Variants in B4GALNT3 observed in about 807,000 individuals in gnomAD.
The protein encoded by B4GALNT3 is beta-1,4-N-acetyl-galactosaminyltransferase 3.
Under a neutral mutation model 120.2 loss-of-function variants are expected in B4GALNT3, and 86 were observed. The observed-to-expected ratio is 0.72, with a 90% CI of 0.60 to 0.86. The LOEUF (loss-of-function observed/expected upper bound fraction) is 0.86. Among genes scored for constraint, B4GALNT3 ranks in the 40% least tolerant of loss-of-function variants. The pLI is 0.00. For missense variants in B4GALNT3, 1,167 were observed against 1,298.9 expected, an observed-to-expected ratio of 0.90 and a Z score of 1.56; for synonymous variants, 518 against 510.4, an observed-to-expected ratio of 1.01 and a Z score of -0.20.
intron 14 of B4GALNT3, chr12:555,345 G>A (rs1475346165): frequency 1.1e-5 from 5 of 456,818 alleles, no homozygotes; most frequent in Admixed American, 4.7e-5. Flanking sequence ...TGTAATGTGT[G>A]GCCTTTATAT....
rs748102597 is a variant in B4GALNT3 at position 553,796 on chromosome 12, G to A, written c.1873G>A (p.Val625Ile). 5.6e-5 allele frequency: 90 copies of A among 1,614,138 alleles called. No homozygotes were observed. The highest frequency in any genetic ancestry group is 3.3e-4 in the Middle Eastern group (2 of 6,084). The stretch of plus-strand genomic sequence containing the variant: ...GGATATGAGTGAGGTGTTCGAGTAC[G>A]TACCTGTGTTTGACCCGGTAGTAAA... Reference protein sequence around the residue: ...EEDMSEVFEYVPVFDPVVNWD... With the variant: ...EEDMSEVFEYIPVFDPVVNWD... The change falls in exon 14 of 20, where the codon GTA becomes ATA. Residue 625 changes from valine to isoleucine, a missense_variant. Val to Ile is a conservative substitution (Grantham distance 29, BLOSUM62 3). Around this residue, in one of 3 missense-constraint regions of B4GALNT3, gnomAD observed 983 missense variants for 1,102.5 expected, o/e 0.89. Transcript: ENST00000266383.
intron 1 of B4GALNT3, among the ~76,000 whole-genome samples, chr12:469,866 G>A (rs1946118440): frequency 6.6e-6 from 1 of 152,082 alleles, no homozygotes; most frequent in Admixed American, 6.5e-5. Flanking sequence ...TGCTCAGGCT[G>A]GTCCTGAACT....
chr12:526,843 G>A (rs763753181), intron 1 of B4GALNT3, among the ~76,000 whole-genome samples: 9 of 152,162 alleles, frequency 5.9e-5, no homozygotes, highest in African/African-American at 1.4e-4. Flanking sequence ...CCAGAGCAGC[G>A]ACAGCAGAAT....
chr12:476,870 A>G (rs1946190738), intron 1 of B4GALNT3, among the ~76,000 whole-genome samples: 1 of 152,208 alleles, frequency 6.6e-6, no homozygotes, highest in Non-Finnish European at 1.5e-5. Flanking sequence ...TAAATTCTGA[A>G]ATGGATTATA....
intron 1 of B4GALNT3, among the ~76,000 whole-genome samples, chr12:509,623 G>T (rs11836102): frequency 6.6e-6 from 1 of 152,134 alleles, no homozygotes; most frequent in East Asian, 1.9e-4. Context: ...GCCTGGGTAG[G>T]GGGGTGGCAA....
At chr12:505,047 C>T (rs576190403) in intron 1 of B4GALNT3, among the ~76,000 whole-genome samples, 11 of 152,160 alleles carry the variant, frequency 7.2e-5, no homozygotes, top group African/African-American at 1.7e-4. Context: ...CACACCACCA[C>T]GCCTGGCTAA....
In B4GALNT3 at chr12:460,270, A is replaced by T; in HGVS notation, c.-107A>T. 1.2e-6 allele frequency: 1 copy of T among 845,126 alleles called. No homozygotes were observed. Among genetic ancestry groups the T allele is most frequent in the Non-Finnish European group, 1.4e-6 (1 of 704,664 alleles). 52.4% of individuals were successfully genotyped at this position (845,126 alleles called of 1,614,324 possible). A position where few individuals can be genotyped will look rare whatever the true frequency, so the allele number is the denominator to read the frequency against. On this transcript the variant is annotated 5_prime_UTR_variant, in exon 1 of 20. The change abolishes the stop of an existing upstream ORF in the 5' untranslated region. Transcript: ENST00000266383. This position sits in a 1 kb window ranked among gnomAD's most constrained non-coding sequence, Gnocchi z 8.0. ...GAGAGACGGCCTCGGCGCAGCCCTGAGACGCTGGGCCGGGACGCGGGGCGC... is the reference window on the plus strand; with the variant it reads ...GAGAGACGGCCTCGGCGCAGCCCTGTGACGCTGGGCCGGGACGCGGGGCGC...
chr12:480,160 C>T (rs1946224109), intron 1 of B4GALNT3, among the ~76,000 whole-genome samples: 1 of 150,936 alleles, frequency 6.6e-6, no homozygotes, highest in Admixed American at 6.6e-5. Flanking sequence ...CGTGATCCGC[C>T]CGCCTCGGCC....
intron 1 of B4GALNT3, among the ~76,000 whole-genome samples, chr12:471,342 G>A (rs1946133244): frequency 6.6e-6 from 1 of 150,606 alleles, no homozygotes. Flanking sequence ...CTGATTTTGT[G>A]CCACTGCACT....
chr12:552,137 C>T lies in B4GALNT3; in HGVS notation c.1182C>T (p.Tyr394=), dbSNP rs377427516. The T allele has an allele frequency of 4.3e-6, 7 of 1,612,418 alleles. No homozygotes were observed. The African/African-American group carries it at 8.0e-5, about 18-fold the overall frequency. ...TGGAGACCCACAATAAATGTTTCTACCAGGAAAACGCCTACTACCAAGACC... is the reference window on the plus strand; with the variant it reads ...TGGAGACCCACAATAAATGTTTCTATCAGGAAAACGCCTACTACCAAGACC... ...SHMETHNKCF[Y]QENAYYQDRF... The change falls in exon 12 of 20, where the codon TAC becomes TAT. Residue 394 remains tyrosine, a synonymous_variant. Transcript: ENST00000266383.
chr12:539,206 C>T (rs1388948733), intron 3 of B4GALNT3, among the ~76,000 whole-genome samples: 5 of 152,194 alleles, frequency 3.3e-5, no homozygotes, highest in Admixed American at 2.0e-4. Context: ...GATTGGATGG[C>T]TAGGGGCCTG....
At chr12:558,710 G>T in intron 18 of B4GALNT3, 49 bp downstream of exon 18, 1 of 1,589,052 alleles carries the variant, frequency 6.3e-7, no homozygotes. Context: ...TCTGATCTTG[G>T]CTCTTAACTC....
At chr12:553,010 G>A in intron 13 of B4GALNT3, 184 bp from the exon 14 acceptor site, 1 of 775,792 alleles carries the variant, frequency 1.3e-6, no homozygotes, top group Non-Finnish European at 2.1e-6. Context: ...TGCAGATGAA[G>A]AAACTGGGGT....
intron 10 of B4GALNT3, 71 bp downstream of exon 10, chr12:549,983 A>C: frequency 2.7e-6 from 4 of 1,494,130 alleles, no homozygotes; most frequent in Non-Finnish European, 3.6e-6. Context: ...CTGATGGTGG[A>C]GAAGGCTTGA....
intron 6 of B4GALNT3, among the ~76,000 whole-genome samples, chr12:545,768 TGA>T (rs1287884852): frequency 1.7e-3 from 53 of 30,706 alleles, no homozygotes; most frequent in African/African-American, 7.3e-3. Flanking sequence ...AGTGGGGAGG[TGA>T]GAGGAGTGGG....
rs374800859 is a variant in B4GALNT3, at chr12:559,440, G to T, written c.2888+19G>T. The T allele has an allele frequency of 1.2e-6, 2 of 1,611,916 alleles. No homozygotes were observed. Among genetic ancestry groups the T allele is most frequent in the African/African-American group, 2.7e-5 (2 of 74,862 alleles). ...TGGACAGGTGACTGGGAAGAGGAGG[G>T]CATCCACGAGGCCTGGGAATTCCAT... is the stretch of plus-strand genomic sequence containing the variant. On this transcript the variant is annotated intron_variant, in intron 19 of 19. Transcript: ENST00000266383.
chr12:512,361 G>C (rs1414520298), intron 1 of B4GALNT3, among the ~76,000 whole-genome samples: 40 of 52,672 alleles, frequency 7.6e-4, no homozygotes, highest in Admixed American at 1.7e-3. Context: ...TTCCGCCTTC[G>C]ACCTTCTTCC....
chr12:480,980 G>A (rs1946237456), intron 1 of B4GALNT3, among the ~76,000 whole-genome samples: 1 of 152,238 alleles, frequency 6.6e-6, no homozygotes, highest in South Asian at 2.1e-4. Flanking sequence ...CAGAAACACT[G>A]CTGTGTGCTT....
At chr12:537,188 T>TAGAA (rs1390472978) in intron 3 of B4GALNT3, among the ~76,000 whole-genome samples, 3 of 152,354 alleles carry the variant, frequency 2.0e-5, no homozygotes, top group African/African-American at 7.2e-5. Flanking sequence ...AACTCTGCTT[T>TAGAA]AGAAAACTTA....
Sources: allele counts gnomAD v4.1 joint callset (sites outside exome capture counted in the v4.1 genomes callset), GRCh38; gene constraint gnomAD v4.1.1; regional missense constraint gnomAD v4.1.1; non-coding constraint Gnocchi (gnomAD v3.1); transcripts MANE v1.5; gene names NCBI Gene and HGNC (gene_info 2026-07-23, HGNC 2026-07-21).